The following FRMD1 variants were observed in gnomAD, a reference collection of about 807,000 sequenced individuals.
FRMD1 encodes FERM domain containing 1.
In FRMD1, 51 loss-of-function variants were observed where a neutral mutation model predicts 54.9. The observed-to-expected ratio is 0.93, with a 90% CI of 0.74 to 1.17. The LOEUF (loss-of-function observed/expected upper bound fraction) is 1.17. FRMD1 is among the 50% of genes most tolerant of loss of function. The pLI is 0.00. For missense variants in FRMD1, 729 were observed against 743.0 expected (o/e 0.98, Z 0.22); for synonymous variants, 324 against 306.4 (o/e 1.06, Z -0.60).
At chr6:168,063,943 C>T (rs1470990638) in intron 5 of FRMD1, among the ~76,000 whole-genome samples, 187 bp from the exon 6 acceptor site, 1 of 152,200 alleles carries the variant, frequency 6.6e-6, no homozygotes, top group Non-Finnish European at 1.5e-5. Context: ...GGCCCTGGGC[C>T]CTGTCTGATT....
chr6:168,071,431 G>A (rs1165674431), intron 2 of FRMD1, among the ~76,000 whole-genome samples: 2 of 152,132 alleles, frequency 1.3e-5, no homozygotes, highest in African/African-American at 2.4e-5. Flanking sequence ...GGGTGTCCTC[G>A]GGTCAAGAAG....
At chr6:168,057,376 C>A in intron 10 of FRMD1, 37 bp from the exon 11 acceptor site, 1 of 1,595,980 alleles carries the variant, frequency 6.3e-7, no homozygotes, top group Non-Finnish European at 8.5e-7. Flanking sequence ...CCTGCTGCCC[C>A]CTCTCACTCC....
intron 9 of FRMD1, 102 bp downstream of exon 9, chr6:168,060,659 C>T (rs1799672041): frequency 4.1e-6 from 5 of 1,215,442 alleles, no homozygotes; most frequent in Non-Finnish European, 5.7e-6. Context: ...CACTGGAGGG[C>T]AGGCCAGGGC....
intron 5 of FRMD1, 42 bp downstream of exon 5, chr6:168,064,829 A>G: frequency 6.6e-7 from 1 of 1,520,500 alleles, no homozygotes; most frequent in Admixed American, 2.0e-5. Flanking sequence ...GTGGACAGGC[A>G]CCAGACTAGC....
At chr6:168,067,852 G>A (rs933973925) in intron 2 of FRMD1, among the ~76,000 whole-genome samples, 2 of 151,942 alleles carry the variant, frequency 1.3e-5, no homozygotes, top group African/African-American at 2.4e-5. Context: ...GCTCAACCTC[G>A]TAATCTCAGC....
intron 2 of FRMD1, among the ~76,000 whole-genome samples, chr6:168,074,465 G>A (rs1455519796): frequency 6.6e-6 from 1 of 151,730 alleles, no homozygotes; most frequent in Non-Finnish European, 1.5e-5. Context: ...CTGTGTGCAT[G>A]TGTGTGGTGC....
chr6:168,061,326 G>C (rs1799721528), intron 8 of FRMD1, among the ~76,000 whole-genome samples: 1 of 152,142 alleles, frequency 6.6e-6, no homozygotes, highest in South Asian at 2.1e-4. Context: ...AGGGAGACCA[G>C]GCCTGTGGGT....
Position 168,063,681 on chromosome 6 carries a change from G to A in FRMD1, c.724C>T (p.Pro242Ser), listed in dbSNP as rs1291632283. 6.2e-7 allele frequency: 1 copy of A among 1,613,932 alleles called. No homozygotes were observed. Among genetic ancestry groups the A allele is most frequent in the Non-Finnish European group, 8.5e-7 (1 of 1,179,906 alleles). ...TLHRERQGLSPKEAMLCFIQE... is the reference protein window; with the variant it reads ...TLHRERQGLSSKEAMLCFIQE... ...ATGAAGCACAGCATGGCCTCCTTGGGGCTCAGGCCCTGGCGCTCACGGTGC... is the reference window on the plus strand; with the variant it reads ...ATGAAGCACAGCATGGCCTCCTTGGAGCTCAGGCCCTGGCGCTCACGGTGC... The change falls in exon 6 of 11, where the codon CCC becomes TCC. Residue 242 changes from proline to serine, a missense_variant. Coordinates refer to ENST00000283309, the MANE Select transcript of FRMD1 (RefSeq NM_024919.6).
intron 3 of FRMD1, 46 bp downstream of exon 3, chr6:168,067,321 G>T (rs1800090801): frequency 1.5e-6 from 2 of 1,292,232 alleles, no homozygotes; most frequent in African/African-American, 1.5e-5. Context: ...GCCCAGCACA[G>T]CCCACCGCGG....
rs148800203 is a variant in FRMD1 at position 168,061,854 on chromosome 6, C to T, written c.998G>A (p.Arg333His). Residue 333 changes from arginine (R) to histidine (H), a missense_variant, in exon 8 of 11, where the codon CGC becomes CAC. Arg to His is a conservative substitution (Grantham distance 29, BLOSUM62 0). Transcript: ENST00000283309. ...LLRASHQLHLRVRPTLQQLRQ... is the reference protein window; with the variant it reads ...LLRASHQLHLHVRPTLQQLRQ... ...CAGCTGTTGCAGAGTGGGCCGCACG[C>T]GGAGGTGGAGCTGGTGGCTGGCGCG... 1.7e-4 allele frequency: 261 copies of T among 1,578,028 alleles called. 1 individual carries two copies. The African/African-American group carries it at 2.9e-3, about 17-fold the overall frequency.
chr6:168,061,853 G>A lies in FRMD1; in HGVS notation c.999C>T (p.Arg333=), dbSNP rs116801809. Residue 333 remains arginine, a synonymous_variant, in exon 8 of 11, where the codon CGC becomes CGT. Coordinates refer to ENST00000283309, the MANE Select transcript of FRMD1 (RefSeq NM_024919.6). The part of the protein sequence containing the change: ...LLRASHQLHL[R]VRPTLQQLRQ... ...GCAGCTGTTGCAGAGTGGGCCGCAC[G>A]CGGAGGTGGAGCTGGTGGCTGGCGC... The A allele has an allele frequency of 1.4e-5, 22 of 1,577,684 alleles. No homozygotes were observed. The highest frequency in any genetic ancestry group is 8.1e-5 in the African/African-American group (6 of 74,178).
chr6:168,066,229 T>C, intron 4 of FRMD1: 3 of 988,026 alleles, frequency 3.0e-6, no homozygotes, highest in South Asian at 9.3e-5. Flanking sequence ...CCGGGCACGG[T>C]GGCTCACACC....
At chr6:168,070,527 C>T (rs1027513931) in intron 2 of FRMD1, among the ~76,000 whole-genome samples, 11 of 152,170 alleles carry the variant, frequency 7.2e-5, no homozygotes, top group Admixed American at 2.6e-4. Flanking sequence ...GAAGGAACTC[C>T]GTCTCCCGAT....
rs529675207 is a variant in FRMD1 at position 168,063,058 on chromosome 6, T to C, written c.805-99A>G. 10 of 965,974 alleles carry C rather than the reference T, an allele frequency of 1.0e-5. No individual in the cohort carries two copies. In the Middle Eastern group the frequency reaches 6.3e-4, roughly 60 times the overall value. The allele number at this position is 965,974 out of a possible 1,614,324, so 59.8% of individuals were successfully genotyped here. On this transcript the variant is annotated intron_variant, in intron 6 of 10. Coordinates refer to ENST00000283309, the MANE Select transcript of FRMD1 (RefSeq NM_024919.6). ...GTCTGGCTAGGGGCCGAGGGCTCCA[T>C]GGACCAGGCTGAGCTCTGGGGCCCA...
Position 168,053,885 on chromosome 6 carries a change from C to T in FRMD1, c.*3212G>A, listed in dbSNP as rs1799333170. ...CACCTGAGGACCCCGGCCTCCTCCT[C>T]CTGCTTGGGGTTCAGCCCAAGAGCA... On this transcript the variant is annotated 3_prime_UTR_variant, in exon 11 of 11. Transcript: ENST00000283309. 6.6e-6 allele frequency: 1 copy of T among 152,230 alleles called. No individual in the cohort carries two copies. The highest frequency in any genetic ancestry group is 1.5e-5 in the Non-Finnish European group (1 of 68,092). The allele number at this position is 152,230 out of a possible 1,614,324, so 9.4% of individuals were successfully genotyped here.
chr6:168,062,815 G>T lies in FRMD1; in HGVS notation c.870+79C>A. ...ATGACCGCTGCAGGGATGCTACACA[G>T]CCCAGACTCCAGTGGGGAAGGGAGG... On this transcript the variant is annotated intron_variant, in intron 7 of 10. Transcript: ENST00000283309. 2.5e-6 allele frequency: 4 copies of T among 1,602,562 alleles called. No individual in the cohort carries two copies. In the South Asian group the frequency reaches 3.3e-5, roughly 13 times the overall value.
chr6:168,066,170 C>T (rs1032432167), intron 4 of FRMD1: 23 of 986,354 alleles, frequency 2.3e-5, no homozygotes, highest in African/African-American at 3.5e-5. Context: ...GATGGTATAC[C>T]CACCCTAGAG....
chr6:168,080,353 G>A (rs574370403), upstream of FRMD1, among the ~76,000 whole-genome samples: 7 of 152,102 alleles, frequency 4.6e-5, no homozygotes, highest in East Asian at 9.7e-4. Flanking sequence ...CAGCAGTGGC[G>A]GTCTCTTTTC....
At chr6:168,057,496 AG>A in intron 10 of FRMD1, 157 bp from the exon 11 acceptor site, 1 of 1,006,058 alleles carries the variant, frequency 9.9e-7, no homozygotes, top group Non-Finnish European at 1.4e-6. Flanking sequence ...CGGGTCCCCC[AG>A]CACACACCTC....
Sources: gnomAD v4.1 joint callset for allele counts (sites outside exome capture counted in the v4.1 genomes callset) on GRCh38, gnomAD v4.1.1 for gene constraint, MANE v1.5 for transcripts, NCBI Gene and HGNC (gene_info 2026-07-23, HGNC 2026-07-21) for gene names.